Variants in FBN1 observed in about 807,000 individuals in gnomAD.
FBN1 encodes fibrillin-1.
In FBN1, 29 loss-of-function variants were observed where a neutral mutation model predicts 365.1. The ratio of observed to expected loss-of-function variants is 0.08; its 90% confidence interval spans 0.06 to 0.11. The LOEUF (loss-of-function observed/expected upper bound fraction) is 0.11, where lower values mean the gene tolerates loss of function less well. FBN1 is among the 10% of genes least tolerant of loss of function. The probability of loss-of-function intolerance (pLI) is 1.00; values close to 1 mark genes in which losing one functional copy is unlikely to be tolerated. For synonymous variants in FBN1, 1,210 were observed against 1,270.5 expected (o/e 0.95, Z 1.01); for missense variants, 2,476 against 3,703.2 (o/e 0.67, Z 8.60).
intron 6 of FBN1, among the ~76,000 whole-genome samples, chr15:48,581,309 G>T (rs1180402724): frequency 1.3e-5 from 2 of 152,078 alleles, no homozygotes; most frequent in Admixed American, 1.3e-4. Flanking sequence ...AAAACAAAGA[G>T]GTCATAAAAG....
At chr15:48,458,585 T>C (rs1019944218) in intron 43 of FBN1, among the ~76,000 whole-genome samples, 10 of 152,214 alleles carry the variant, frequency 6.6e-5, no homozygotes, top group African/African-American at 9.7e-5. Flanking sequence ...TCACATTCGT[T>C]TTAAATATAA....
At chr15:48,633,536 T>C (rs16961275) in intron 2 of FBN1, among the ~76,000 whole-genome samples, 9,321 of 152,178 alleles carry the variant, frequency 0.061, 1,015 homozygotes, top group African/African-American at 0.22. Flanking sequence ...ACCTGACTGA[T>C]ACCCTCATTG....
chr15:48,436,958 C>T lies in FBN1; in HGVS notation c.6496+3G>A, dbSNP rs750222196. 10 of 1,550,854 alleles carry T rather than the reference C, an allele frequency of 6.4e-6. No homozygotes were observed. Among genetic ancestry groups the T allele is most frequent in the Non-Finnish European group, 8.9e-6 (10 of 1,122,808 alleles). On this transcript the variant is annotated splice_donor_region_variant and intron_variant, in intron 53 of 65. Coordinates refer to ENST00000316623, the MANE Select transcript of FBN1 (RefSeq NM_000138.5). ...TTCCTATGGAAGAAAACTTATTACT[C>T]ACCTACACATTCATTCCCTGCTAGA...
At chr15:48,568,932 A>G (rs1383426984) in intron 6 of FBN1, among the ~76,000 whole-genome samples, 1 of 152,118 alleles carries the variant, frequency 6.6e-6, no homozygotes, top group Non-Finnish European at 1.5e-5. Flanking sequence ...TGGGTAGGCA[A>G]AGAGTTCTTA....
At chr15:48,595,877 T>C (rs1201669514) in intron 6 of FBN1, among the ~76,000 whole-genome samples, 1 of 152,206 alleles carries the variant, frequency 6.6e-6, no homozygotes, top group African/African-American at 2.4e-5. Context: ...GATCTTTAGG[T>C]GTGCTTTTCA....
At chr15:48,468,140 A>G in intron 37 of FBN1, 38 bp from the exon 38 acceptor site, 3 of 1,611,776 alleles carry the variant, frequency 1.9e-6, no homozygotes, top group Non-Finnish European at 2.5e-6. Flanking sequence ...ATCAGGCAGA[A>G]TCTTTCTACT....
intron 9 of FBN1, among the ~76,000 whole-genome samples, chr15:48,523,710 T>C (rs1414627065): frequency 4.9e-5 from 4 of 81,678 alleles, no homozygotes; most frequent in Admixed American, 3.7e-4. Context: ...CAAGGGTGGC[T>C]GGGGGGGGGG....
intron 21 of FBN1, 98 bp from the exon 22 acceptor site, chr15:48,495,358 TGAA>T: frequency 1.3e-6 from 2 of 1,594,974 alleles, no homozygotes; most frequent in Non-Finnish European, 1.7e-6. Context: ...CAAGGAATAA[TGAA>T]GTTTTTAATA....
At chr15:48,564,696 C>G (rs985670200) in intron 6 of FBN1, among the ~76,000 whole-genome samples, 1 of 152,098 alleles carries the variant, frequency 6.6e-6, no homozygotes, top group Non-Finnish European at 1.5e-5. Flanking sequence ...AAAACTAGAA[C>G]TGCATTCTCA....
At chr15:48,416,062 C>T (rs578059402) in intron 63 of FBN1, among the ~76,000 whole-genome samples, 1 of 152,314 alleles carries the variant, frequency 6.6e-6, no homozygotes, top group East Asian at 1.9e-4. Flanking sequence ...CTCCAGTTCT[C>T]ATCAGAAGTC....
intron 2 of FBN1, among the ~76,000 whole-genome samples, chr15:48,634,864 CA>C (rs1890065648): frequency 3.0e-5 from 3 of 100,514 alleles, no homozygotes; most frequent in African/African-American, 1.7e-4. Flanking sequence ...AAACCACACA[CA>C]CACACACACA....
In FBN1 at chr15:48,437,402, C is replaced by T. The variant is rs200841830; in HGVS notation, c.6314-15G>A. 431 of 1,601,468 alleles carry T rather than the reference C, an allele frequency of 2.7e-4. No homozygotes were observed. Among genetic ancestry groups the T allele is most frequent in the South Asian group, 4.7e-4 (43 of 90,772 alleles). ...GCGGAAGGCCTCTGTGGTGGAGACA[C>T]TCATTAATAGATAGAACAATAGCAA... On this transcript the variant is annotated splice_polypyrimidine_tract_variant and intron_variant, in intron 51 of 65. Transcript: ENST00000316623.
chr15:48,496,897 G>A (rs2043612693), intron 19 of FBN1, among the ~76,000 whole-genome samples: 1 of 152,148 alleles, frequency 6.6e-6, no homozygotes, highest in Non-Finnish European at 1.5e-5. Flanking sequence ...CTAATAAATG[G>A]TTGGGAGAAG....
chr15:48,499,773 G>C (rs1178213046), intron 17 of FBN1, among the ~76,000 whole-genome samples: 1 of 152,104 alleles, frequency 6.6e-6, no homozygotes, highest in Non-Finnish European at 1.5e-5. Flanking sequence ...TGAAAATGTA[G>C]AACTAACTGG....
intron 62 of FBN1, among the ~76,000 whole-genome samples, chr15:48,421,250 A>C (rs1463055266): frequency 5.9e-5 from 9 of 152,206 alleles, no homozygotes; most frequent in Non-Finnish European, 1.2e-4. Flanking sequence ...GGACCCAGTG[A>C]CCAGAAAATT....
chr15:48,412,354 T>C (rs1346864548), intron 65 of FBN1, among the ~76,000 whole-genome samples: 1 of 152,186 alleles, frequency 6.6e-6, no homozygotes, highest in African/African-American at 2.4e-5. Flanking sequence ...TGAGCAAGTA[T>C]GTGAAAACCT....
chr15:48,618,145 C>G (rs1221041599), intron 2 of FBN1, among the ~76,000 whole-genome samples: 1 of 151,926 alleles, frequency 6.6e-6, no homozygotes, highest in African/African-American at 2.4e-5. Flanking sequence ...AAGGTACATG[C>G]CCTCACACAA....
intron 17 of FBN1, 148 bp from the exon 18 acceptor site, chr15:48,499,186 C>A (rs1236572527): frequency 1.0e-5 from 8 of 777,390 alleles, no homozygotes; most frequent in African/African-American, 3.4e-5. Flanking sequence ...CAGGGAGTCA[C>A]CTTTACACCA....
chr15:48,437,239 A>T, intron 52 of FBN1, 83 bp downstream of exon 52: 1 of 1,362,688 alleles, frequency 7.3e-7, no homozygotes. Flanking sequence ...TTTCCAAGAT[A>T]GATGGAGAAA....
Sources: gnomAD v4.1 joint callset for allele counts (sites outside exome capture counted in the v4.1 genomes callset) on GRCh38, gnomAD v4.1.1 for gene constraint, MANE v1.5 for transcripts, NCBI Gene and HGNC (gene_info 2026-07-23, HGNC 2026-07-21) for gene names.